The following NEK1 variants were observed in gnomAD, a reference collection of about 807,000 sequenced individuals.
The protein encoded by NEK1 is serine/threonine-protein kinase Nek1.
Under a neutral mutation model 182.1 loss-of-function variants are expected in NEK1, and 137 were observed. The observed-to-expected ratio is 0.75, with a 90% CI of 0.65 to 0.87. The LOEUF (loss-of-function observed/expected upper bound fraction) is 0.87. Among genes scored for constraint, NEK1 ranks in the 40% least tolerant of loss-of-function variants. The pLI is 0.00. For synonymous variants in NEK1, 513 were observed against 492.2 expected (o/e 1.04, Z -0.56); for missense variants, 1,391 against 1,494.4 (o/e 0.93, Z 1.14).
Position 169,580,887 on chromosome 4 carries a change from ATTC to A in NEK1, c.820_822del (p.Glu274del). ...AACTTCGAAAATGTTTTTAGACAAA[ATTC>A]TTCTGCAATAAGCTGAGATTGAAAG... On this transcript the variant is annotated inframe_deletion, in exon 11 of 36. Transcript: ENST00000507142. 6.5e-7 allele frequency: 1 copy of A among 1,530,060 alleles called. No homozygotes were observed. Among genetic ancestry groups the A allele is most frequent in the Non-Finnish European group, 8.8e-7 (1 of 1,131,778 alleles). 94.8% of individuals were successfully genotyped at this position (1,530,060 alleles called of 1,614,324 possible). A position where few individuals can be genotyped will look rare whatever the true frequency, so the allele number is the denominator to read the frequency against.
At chr4:169,487,399 T>A (rs1749229414) in intron 23 of NEK1, among the ~76,000 whole-genome samples, 3 of 152,192 alleles carry the variant, frequency 2.0e-5, no homozygotes, top group Admixed American at 2.0e-4. Context: ...CACTTATAAG[T>A]GATACCATGA....
chr4:169,472,653 A>C (rs150952510), intron 26 of NEK1, among the ~76,000 whole-genome samples: 1 of 152,278 alleles, frequency 6.6e-6, no homozygotes, highest in East Asian at 1.9e-4. Context: ...TCACAATGGC[A>C]ATGGTCTATT....
At chr4:169,404,483 G>A (rs1732240431) in intron 32 of NEK1, among the ~76,000 whole-genome samples, 1 of 151,994 alleles carries the variant, frequency 6.6e-6, no homozygotes, top group Admixed American at 6.6e-5. Context: ...CAATACAGAA[G>A]AAAACATTAT....
In NEK1 at chr4:169,474,278, T is replaced by C. The variant is rs143269669; in HGVS notation, c.2434+2846A>G. ...AGAGACTTGAATCATTAAAAGAACT[T>C]TGGACTTTTATTCTAGTTGCAATGA... On this transcript the variant is annotated intron_variant, in intron 26 of 35. Coordinates refer to ENST00000507142, the MANE Select transcript of NEK1 (RefSeq NM_001199397.3). Among the ~76,000 whole-genome samples, 7 of 152,278 alleles carry C rather than the reference T, an allele frequency of 4.6e-5. No individual in the cohort carries two copies. In the East Asian group the frequency reaches 1.2e-3, roughly 25 times the overall value.
chr4:169,447,421 T>C (rs1194821370), intron 27 of NEK1, among the ~76,000 whole-genome samples: 1 of 152,152 alleles, frequency 6.6e-6, no homozygotes, highest in African/African-American at 2.4e-5. Context: ...AGGAGTTCTT[T>C]AATATGAAAG....
intron 4 of NEK1, among the ~76,000 whole-genome samples, chr4:169,600,660 T>C (rs1313968870): frequency 6.6e-6 from 1 of 152,110 alleles, no homozygotes; most frequent in East Asian, 1.9e-4. Context: ...CCTGGAAAGA[T>C]CATCCAAATA....
chr4:169,502,119 T>A (rs1053760079), intron 23 of NEK1, among the ~76,000 whole-genome samples: 2 of 151,732 alleles, frequency 1.3e-5, no homozygotes, highest in Admixed American at 1.3e-4. Context: ...AACATCCCCA[T>A]GTGCACATAC....
chr4:169,526,005 T>C (rs1756842036), intron 19 of NEK1, among the ~76,000 whole-genome samples: 1 of 152,102 alleles, frequency 6.6e-6, no homozygotes, highest in Non-Finnish European at 1.5e-5. Context: ...CAGGAGTAGA[T>C]TTTCAGTCAT....
intron 29 of NEK1, among the ~76,000 whole-genome samples, chr4:169,426,954 T>G (rs2149390471): frequency 6.6e-6 from 1 of 152,224 alleles, no homozygotes; most frequent in South Asian, 2.1e-4. Flanking sequence ...CTCACAATTT[T>G]TATCTCTATA....
At position 169,544,432 on chromosome 4, in the gene NEK1, TTTTGCTGTGTCTC is replaced by T. The variant is rs1164542117; in HGVS notation, c.1563-6534_1563-6522del. 3.9e-5 allele frequency among the ~76,000 whole-genome samples: 6 copies of T among 152,260 alleles called. No individual in the cohort carries two copies. The South Asian group carries it at 1.0e-3, about 26-fold the overall frequency. ...GGGATATTGGTCTAAAATTCTCTTTTTTTGCTGTGTCTCTGCCAGGCTTTGGTATCAGGATGAT... is the reference window on the plus strand; with the variant it reads ...GGGATATTGGTCTAAAATTCTCTTTTTGCCAGGCTTTGGTATCAGGATGAT... On this transcript the variant is annotated intron_variant, in intron 18 of 35. Coordinates refer to ENST00000507142, the MANE Select transcript of NEK1 (RefSeq NM_001199397.3).
chr4:169,584,746 A>G (rs1317356924), intron 10 of NEK1, among the ~76,000 whole-genome samples: 1 of 152,242 alleles, frequency 6.6e-6, no homozygotes, highest in African/African-American at 2.4e-5. Context: ...AATTCTCACA[A>G]TAACCTTATA....
intron 5 of NEK1, among the ~76,000 whole-genome samples, chr4:169,594,868 G>A (rs991579460): frequency 1.3e-5 from 2 of 152,102 alleles, no homozygotes; most frequent in African/African-American, 4.8e-5. Flanking sequence ...CAGTAACTTT[G>A]CTCTCCATTT....
intron 23 of NEK1, among the ~76,000 whole-genome samples, chr4:169,500,280 T>A (rs894967873): frequency 1.3e-5 from 2 of 152,154 alleles, no homozygotes; most frequent in Non-Finnish European, 2.9e-5. Flanking sequence ...GTGACCCGAT[T>A]TTCCAGGTGC....
At chr4:169,494,299 C>CCATGTGTTCT (rs970788296) in intron 23 of NEK1, among the ~76,000 whole-genome samples, 1 of 152,076 alleles carries the variant, frequency 6.6e-6, no homozygotes, top group African/African-American at 2.4e-5. Context: ...CTTCCTGTGT[C>CCATGTGTTCT]CATGTGTTCT....
chr4:169,456,521 G>C (rs1022719197), intron 27 of NEK1, among the ~76,000 whole-genome samples: 13 of 152,020 alleles, frequency 8.6e-5, no homozygotes, highest in Non-Finnish European at 1.6e-4. Flanking sequence ...TGAAAAAGGA[G>C]GAATTATAAT....
intron 5 of NEK1, among the ~76,000 whole-genome samples, chr4:169,595,894 G>T (rs1320400663): frequency 2.3e-5 from 3 of 129,440 alleles, no homozygotes; most frequent in African/African-American, 8.7e-5. Context: ...CAGCACTCCA[G>T]CCTGGGGGAC....
chr4:169,549,232 G>A (rs1026730722), intron 18 of NEK1, among the ~76,000 whole-genome samples: 1 of 152,280 alleles, frequency 6.6e-6, no homozygotes, highest in African/African-American at 2.4e-5. Context: ...AAACCCTGGT[G>A]TTCCTGGGTG....
Position 169,602,543 on chromosome 4 carries a change from A to C in NEK1, c.88T>G (p.Tyr30Asp). Reference sequence around the variant, plus strand: ...GAGATGTTAATTTCCTTGATAACATACTGTCTGCCATCTTCTGTAGATTTA... The same window carrying C: ...GAGATGTTAATTTCCTTGATAACATCCTGTCTGCCATCTTCTGTAGATTTA... Reference protein sequence around the residue: ...LVKSTEDGRQYVIKEINISRM... With the variant: ...LVKSTEDGRQDVIKEINISRM... Residue 30 changes from tyrosine to aspartate, a missense_variant, in exon 3 of 36, where the codon TAT (tyrosine) becomes GAT (aspartate). Around this residue, in one of 5 missense-constraint regions of NEK1, gnomAD observed 42 missense variants for 47.9 expected, o/e 0.88. Transcript: ENST00000507142. 1.2e-6 allele frequency: 2 copies of C among 1,600,916 alleles called. No homozygotes were observed. Among genetic ancestry groups the C allele is most frequent in the Non-Finnish European group, 1.7e-6 (2 of 1,169,226 alleles).
chr4:169,563,545 A>T (rs982139925), intron 12 of NEK1, among the ~76,000 whole-genome samples: 9 of 152,080 alleles, frequency 5.9e-5, no homozygotes, highest in African/African-American at 2.2e-4. Context: ...TGTAAATACG[A>T]TATGTCTATG....
Sources: allele counts gnomAD v4.1 joint callset (sites outside exome capture counted in the v4.1 genomes callset), GRCh38; gene constraint gnomAD v4.1.1; regional missense constraint gnomAD v4.1.1; transcripts MANE v1.5; gene names NCBI Gene and HGNC (gene_info 2026-07-23, HGNC 2026-07-21).